Variants in RGPD4 observed in about 807,000 individuals in gnomAD.
The protein encoded by RGPD4 is RANBP2 like and GRIP domain containing 4, also known as ranBP2-like and GRIP domain-containing protein 4.
RGPD4 carries 84 observed loss-of-function variants against 141.1 expected under a neutral mutation model. That is an observed-to-expected ratio of 0.60 (90% CI 0.50 to 0.71). The LOEUF (loss-of-function observed/expected upper bound fraction) is 0.71, where lower values mean the gene tolerates loss of function less well. Among genes scored for constraint, RGPD4 ranks in the 30% least tolerant of loss-of-function variants. The probability of loss-of-function intolerance (pLI) is 0.00; values close to 1 mark genes in which losing one functional copy is unlikely to be tolerated. For synonymous variants in RGPD4, 298 were observed against 566.8 expected, an observed-to-expected ratio of 0.53 and a Z score of 6.74; for missense variants, 918 against 1,622.4, an observed-to-expected ratio of 0.57 and a Z score of 7.46.
chr2:107,888,344 A>G (rs1189338927), intron 22 of RGPD4, among the ~76,000 whole-genome samples: 1 of 149,950 alleles, frequency 6.7e-6, no homozygotes, highest in Non-Finnish European at 1.5e-5. Context: ...TATTCAGCTT[A>G]CACCATTCAT....
At chr2:107,849,560 C>T (rs1385925880) in intron 7 of RGPD4, among the ~76,000 whole-genome samples, 2 of 25,984 alleles carry the variant, frequency 7.7e-5, no homozygotes, top group Non-Finnish European at 1.5e-4. Flanking sequence ...TTAGTAGAGA[C>T]GGGGTTTCAC....
Position 107,890,819 on chromosome 2 carries a change from C to G in RGPD4, c.*88C>G. On this transcript the variant is annotated 3_prime_UTR_variant, in exon 23 of 23. Transcript: ENST00000408999. ...TGATGGAAGGAATATTTTTATTAAC[C>G]AAATAAAATCTATTTACAAAAATGG... 2 of 1,549,680 alleles carry G rather than the reference C, an allele frequency of 1.3e-6. No individual in the cohort carries two copies. Among genetic ancestry groups the G allele is most frequent in the South Asian group, 1.2e-5 (1 of 84,934 alleles).
At chr2:107,830,543 T>C (rs1364951252) in intron 1 of RGPD4, among the ~76,000 whole-genome samples, 1 of 152,050 alleles carries the variant, frequency 6.6e-6, no homozygotes, top group Non-Finnish European at 1.5e-5. Flanking sequence ...CTTAGAGTCT[T>C]TTTTTTCCCC....
intron 7 of RGPD4, 42 bp from the exon 8 acceptor site, chr2:107,854,514 T>C: frequency 2.1e-6 from 2 of 938,062 alleles, no homozygotes; most frequent in Non-Finnish European, 3.2e-6. Flanking sequence ...ATTAGAAGTA[T>C]GGGTATCATC....
At chr2:107,888,601 C>T (rs896625426) in intron 22 of RGPD4, among the ~76,000 whole-genome samples, 7 of 151,696 alleles carry the variant, frequency 4.6e-5, no homozygotes, top group Non-Finnish European at 8.8e-5. Context: ...ATCTCTTCCC[C>T]TTCAGAGCCA....
chr2:107,829,317 C>G lies in RGPD4; in HGVS notation c.72+2232C>G, dbSNP rs1267581330. Among the ~76,000 whole-genome samples, 4 of 40,474 alleles carry G rather than the reference C, an allele frequency of 9.9e-5. 2 individuals carry two copies. Among genetic ancestry groups the G allele is most frequent in the Non-Finnish European group, 2.3e-4 (4 of 17,750 alleles). The allele number at this position is 40,474 out of a possible 152,430, so 26.6% of individuals were successfully genotyped here. A position where few individuals can be genotyped will look rare whatever the true frequency, so the allele number is the denominator to read the frequency against. On this transcript the variant is annotated intron_variant, in intron 1 of 22. Coordinates refer to ENST00000408999, the MANE Select transcript of RGPD4 (RefSeq NM_182588.3). ...TGGATGGCTCAGGCGTCATGGCTCC[C>G]GATGGGCGCTGCTCCCTGGCGCGCT...
intron 1 of RGPD4, among the ~76,000 whole-genome samples, chr2:107,835,071 CT>C (rs1195678590): frequency 4.3e-4 from 5 of 11,640 alleles, no homozygotes; most frequent in Admixed American, 1.8e-3. Flanking sequence ...GTTGTATCAG[CT>C]TTTTTTTTTT....
intron 1 of RGPD4, among the ~76,000 whole-genome samples, chr2:107,833,213 A>G (rs1219911192): frequency 6.6e-6 from 1 of 151,390 alleles, no homozygotes; most frequent in Non-Finnish European, 1.5e-5. Context: ...AAGATGGGTG[A>G]CAGAGCGAGA....
intron 18 of RGPD4, 21 bp from the exon 19 acceptor site, chr2:107,869,859 TTTC>T: frequency 7.0e-7 from 1 of 1,431,702 alleles, no homozygotes. Flanking sequence ...CAGTGTTTTC[TTTC>T]TTTTCTTTTT....
chr2:107,840,373 C>T (rs370487840), intron 4 of RGPD4, among the ~76,000 whole-genome samples: 14,156 of 138,054 alleles, frequency 0.1, no homozygotes, highest in Non-Finnish European at 0.13. Context: ...AGTTCACTGG[C>T]GCAATCTCGG....
chr2:107,887,460 T>A lies in RGPD4; in HGVS notation c.5267-3261T>A, dbSNP rs536602660. Among the ~76,000 whole-genome samples, 4 of 152,150 alleles carry A rather than the reference T, an allele frequency of 2.6e-5. No individual in the cohort carries two copies. The South Asian group carries it at 8.3e-4, about 32-fold the overall frequency. On this transcript the variant is annotated intron_variant, in intron 22 of 22. Coordinates refer to ENST00000408999, the MANE Select transcript of RGPD4 (RefSeq NM_182588.3). ...GGCTGTGAGTTAATGATGAATAGTT[T>A]TCCTTTCTGTGGGTTTGGGTGTATT...
At chr2:107,881,053 G>T (rs1675349494) in intron 21 of RGPD4, among the ~76,000 whole-genome samples, 2 of 151,234 alleles carry the variant, frequency 1.3e-5, no homozygotes, top group Admixed American at 1.3e-4. Flanking sequence ...ACTCATAGCT[G>T]TCTGAAAAGT....
intron 1 of RGPD4, among the ~76,000 whole-genome samples, 172 bp from the exon 2 acceptor site, chr2:107,836,430 A>G (rs986864197): frequency 7.0e-5 from 10 of 143,256 alleles, no homozygotes; most frequent in Non-Finnish European, 1.1e-4. Context: ...TTGTTTTGTG[A>G]TAGGAAATTA....
At chr2:107,880,186 A>C in intron 21 of RGPD4, 79 bp downstream of exon 21, 1 of 1,603,402 alleles carries the variant, frequency 6.2e-7, no homozygotes, top group South Asian at 1.1e-5. Context: ...ACCCAAGTTT[A>C]AAAATTCACA....
intron 22 of RGPD4, among the ~76,000 whole-genome samples, chr2:107,886,092 A>G (rs1675503044): frequency 6.7e-6 from 1 of 149,298 alleles, no homozygotes; most frequent in Non-Finnish European, 1.5e-5. Context: ...GATAGTTCAA[A>G]AGAAATTACA....
chr2:107,857,700 G>T (rs1436382653), intron 9 of RGPD4, among the ~76,000 whole-genome samples: 1 of 151,808 alleles, frequency 6.6e-6, no homozygotes, highest in African/African-American at 2.4e-5. Context: ...CCCCCAAAGT[G>T]TTGGGATTAA....
intron 1 of RGPD4, among the ~76,000 whole-genome samples, chr2:107,832,867 C>A (rs1179375128): frequency 6.6e-6 from 1 of 150,430 alleles, no homozygotes; most frequent in Non-Finnish European, 1.5e-5. Flanking sequence ...AAACTCATTT[C>A]TTTCAGTTCT....
chr2:107,882,674 T>C lies in RGPD4; in HGVS notation c.5067T>C (p.Leu1689=), dbSNP rs1300494448. The C allele has an allele frequency of 6.2e-7, 1 of 1,610,914 alleles. No individual in the cohort carries two copies. The highest frequency in any genetic ancestry group is 1.3e-5 in the African/African-American group (1 of 74,172). The change falls in exon 22 of 23, where the codon CTT becomes CTC. Residue 1689 remains leucine (L), a splice_region_variant and synonymous_variant. Transcript: ENST00000408999. The part of the protein sequence containing the change: ...TSAVLMEQIK[L]LKSEIRRLER... ...TTAACTCATTTCTCTAACACCAGCT[T>C]CTCAAAAGTGAAATAAGAAGATTGG...
chr2:107,883,072 A>C (rs924557375), intron 22 of RGPD4, 199 bp downstream of exon 22: 22 of 815,406 alleles, frequency 2.7e-5, no homozygotes, highest in Admixed American at 4.9e-5. Flanking sequence ...TATAATTTTA[A>C]CGTTCAGCAA....
Sources: gnomAD v4.1 joint callset for allele counts (sites outside exome capture counted in the v4.1 genomes callset) on GRCh38, gnomAD v4.1.1 for gene constraint, MANE v1.5 for transcripts, NCBI Gene and HGNC (gene_info 2026-07-23, HGNC 2026-07-21) for gene names.